The following IMPG1 variants were observed in gnomAD, a reference collection of about 807,000 sequenced individuals.
IMPG1 encodes interphotoreceptor matrix proteoglycan of 150 kDa.
In IMPG1, 85 loss-of-function variants were observed where a neutral mutation model predicts 92.0. The observed-to-expected ratio is 0.92, with a 90% CI of 0.78 to 1.11. The LOEUF is 1.11. IMPG1 is among the 50% of genes least tolerant of loss of function. The pLI, the probability that IMPG1 is intolerant of heterozygous loss-of-function variation, is 0.00. For synonymous variants in IMPG1, 367 were observed against 334.1 expected (o/e 1.10, Z -1.08); for missense variants, 1,022 against 956.0 (o/e 1.07, Z -0.91).
chr6:76,019,195 T>A (rs1315202128), intron 6 of IMPG1, among the ~76,000 whole-genome samples: 1 of 152,146 alleles, frequency 6.6e-6, no homozygotes. Flanking sequence ...TTGGTCTCCA[T>A]CACTAAGGGC....
Position 76,025,106 on chromosome 6 carries a change from C to T in IMPG1, c.562+88G>A, listed in dbSNP as rs949725054. On this transcript the variant is annotated intron_variant, in intron 5 of 16. Coordinates refer to ENST00000369950, the MANE Select transcript of IMPG1 (RefSeq NM_001563.4). ...TGAGAAAGTACATTATAAACATTAT[C>T]TTTAATTAGGAATTGTTTTATAAAT... is the stretch of plus-strand genomic sequence containing the variant. 3.4e-5 allele frequency: 27 copies of T among 791,442 alleles called. No individual in the cohort carries two copies. In the Admixed American group the frequency reaches 5.4e-4, roughly 16 times the overall value. 49.0% of individuals were successfully genotyped at this position (791,442 alleles called of 1,614,324 possible). A position where few individuals can be genotyped will look rare whatever the true frequency, so the allele number is the denominator to read the frequency against.
intron 1 of IMPG1, among the ~76,000 whole-genome samples, chr6:76,068,137 A>T (rs929524310): frequency 7.2e-5 from 11 of 152,216 alleles, no homozygotes; most frequent in African/African-American, 2.7e-4. Context: ...GAAGACAAGG[A>T]TGCCCACTTT....
In IMPG1 at chr6:76,034,822, G is replaced by A. The variant is rs1329514434; in HGVS notation, c.302-35C>T. 3 of 1,583,652 alleles carry A rather than the reference G, an allele frequency of 1.9e-6. 1 individual carries two copies. Among genetic ancestry groups the A allele is most frequent in the East Asian group, 4.5e-5 (2 of 44,406 alleles). ...AGAGTCATTAATGGCCATGCCCTAA[G>A]AGGGTCCCCGTACCCAATCCCAAGC... On this transcript the variant is annotated intron_variant, in intron 2 of 16. Coordinates refer to ENST00000369950, the MANE Select transcript of IMPG1 (RefSeq NM_001563.4).
chr6:76,071,230 T>A (rs1246361169), intron 1 of IMPG1, among the ~76,000 whole-genome samples: 1 of 149,152 alleles, frequency 6.7e-6, no homozygotes, highest in Non-Finnish European at 1.5e-5. Context: ...ATATGCAATA[T>A]ATGAAAATAG....
At chr6:76,004,424 A>G (rs1783054136) in intron 10 of IMPG1, among the ~76,000 whole-genome samples, 1 of 152,212 alleles carries the variant, frequency 6.6e-6, no homozygotes. Context: ...ACACTTGTGA[A>G]GTTGACCTTT....
In IMPG1 at chr6:75,922,107, T is replaced by G; in HGVS notation, c.2376A>C (p.Gln792His). The stretch of plus-strand genomic sequence containing the variant: ...TCAGTTTTTAATTTCCTTCCCAATC[T>G]TGATGGTTAAATTCTTCATATTCTA... ...LTVEYEEFNH[Q>H]DWEGN is the part of the protein sequence containing the mutation. Residue 792 changes from glutamine to histidine, a missense_variant, in exon 17 of 17, where the codon CAA becomes CAC. Around this residue, in one of 3 missense-constraint regions of IMPG1, gnomAD observed 332 missense variants for 346.2 expected, o/e 0.96. Transcript: ENST00000369950. 4.4e-6 allele frequency: 6 copies of G among 1,351,414 alleles called. No homozygotes were observed. The highest frequency in any genetic ancestry group is 6.3e-6 in the Non-Finnish European group (6 of 952,724). The allele number at this position is 1,351,414 out of a possible 1,614,324, so 83.7% of individuals were successfully genotyped here. A position where few individuals can be genotyped will look rare whatever the true frequency, so the allele number is the denominator to read the frequency against.
At chr6:75,951,257 G>A (rs1208285364) in intron 12 of IMPG1, among the ~76,000 whole-genome samples, 163 bp from the exon 13 acceptor site, 1 of 151,234 alleles carries the variant, frequency 6.6e-6, no homozygotes, top group African/African-American at 2.4e-5. Context: ...AATTGGAACA[G>A]AAAGGGCAGG....
At chr6:76,059,162 C>A (rs1784165206) in intron 1 of IMPG1, among the ~76,000 whole-genome samples, 1 of 152,032 alleles carries the variant, frequency 6.6e-6, no homozygotes, top group Non-Finnish European at 1.5e-5. Flanking sequence ...GACTGCAAAT[C>A]TGGAGGTGAA....
intron 12 of IMPG1, among the ~76,000 whole-genome samples, chr6:75,997,261 A>G (rs1338823942): frequency 6.6e-6 from 1 of 152,128 alleles, no homozygotes; most frequent in African/African-American, 2.4e-5. Context: ...TGTTAGGAAA[A>G]CCTTGCTCCC....
At chr6:76,068,840 C>T (rs1244729414) in intron 1 of IMPG1, among the ~76,000 whole-genome samples, 4 of 151,894 alleles carry the variant, frequency 2.6e-5, no homozygotes, top group Admixed American at 6.6e-5. Flanking sequence ...TTAAAACAAT[C>T]CCCGAATTCA....
At chr6:76,067,739 A>G (rs1285717411) in intron 1 of IMPG1, among the ~76,000 whole-genome samples, 2 of 152,206 alleles carry the variant, frequency 1.3e-5, no homozygotes, top group Non-Finnish European at 2.9e-5. Flanking sequence ...CAACAAAAAA[A>G]GAAAACTAAA....
intron 14 of IMPG1, chr6:75,935,015 T>TG (rs1486010949): frequency 4.2e-6 from 2 of 470,946 alleles, no homozygotes; most frequent in Non-Finnish European, 8.8e-6. Flanking sequence ...AGGCTTCACC[T>TG]GGGCTGGCTG....
At chr6:76,022,793 A>G (rs1377503117) in intron 5 of IMPG1, among the ~76,000 whole-genome samples, 2 of 152,224 alleles carry the variant, frequency 1.3e-5, no homozygotes, top group East Asian at 3.8e-4. Context: ...AGCAAAGAAA[A>G]AAGCGTTATT....
chr6:75,925,178 G>C (rs781539686), intron 15 of IMPG1, among the ~76,000 whole-genome samples: 7 of 152,044 alleles, frequency 4.6e-5, no homozygotes, highest in Non-Finnish European at 1.0e-4. Flanking sequence ...ACCCTGATTT[G>C]ATCATTGCAC....
intron 15 of IMPG1, among the ~76,000 whole-genome samples, chr6:75,927,732 T>G (rs1184872133): frequency 1.3e-5 from 1 of 76,684 alleles, no homozygotes; most frequent in Non-Finnish European, 2.6e-5. Context: ...CCTCCCTCCC[T>G]CCCTCCCTTT....
At chr6:76,025,729 A>G (rs1257973862) in intron 4 of IMPG1, among the ~76,000 whole-genome samples, 7 of 152,154 alleles carry the variant, frequency 4.6e-5, no homozygotes, top group Non-Finnish European at 8.8e-5. Context: ...AAAGAGATAG[A>G]TTTCTGGGTA....
intron 12 of IMPG1, among the ~76,000 whole-genome samples, chr6:75,989,641 G>C (rs1782782439): frequency 6.6e-6 from 1 of 152,158 alleles, no homozygotes; most frequent in Non-Finnish European, 1.5e-5. Context: ...CCAGGAGTTT[G>C]AGACCAGCCT....
At chr6:76,033,696 T>C (rs980100703) in intron 4 of IMPG1, among the ~76,000 whole-genome samples, 1 of 152,248 alleles carries the variant, frequency 6.6e-6, no homozygotes, top group East Asian at 1.9e-4. Context: ...CTCTTTGTAG[T>C]ATTATCTTCA....
chr6:75,981,319 A>C (rs1486557468), intron 12 of IMPG1, among the ~76,000 whole-genome samples: 1 of 152,224 alleles, frequency 6.6e-6, no homozygotes, highest in Non-Finnish European at 1.5e-5. Flanking sequence ...AACTTTAGTC[A>C]GTAGCTTTGA....
Sources: allele counts gnomAD v4.1 joint callset (sites outside exome capture counted in the v4.1 genomes callset), GRCh38; gene constraint gnomAD v4.1.1; regional missense constraint gnomAD v4.1.1; transcripts MANE v1.5; gene names NCBI Gene and HGNC (gene_info 2026-07-23, HGNC 2026-07-21).